The following DMD variants were observed in gnomAD, a reference collection of about 807,000 sequenced individuals.
DMD encodes the protein mutant dystrophin.
A neutral mutation model predicts 330.1 loss-of-function variants in DMD; 63 were observed. The observed-to-expected ratio is 0.19, with a 90% CI of 0.16 to 0.24. The LOEUF (loss-of-function observed/expected upper bound fraction) is 0.24. Ranked by LOEUF, DMD falls within the 10% of genes least tolerant of loss-of-function variation. The pLI is 1.00. For synonymous variants in DMD, 1,223 were observed against 959.8 expected, an observed-to-expected ratio of 1.27 and a Z score of -5.07; for missense variants, 3,344 against 2,684.1, an observed-to-expected ratio of 1.25 and a Z score of -5.43.
At chrX:32,823,028 C>A (rs553418223) in intron 5 of DMD, among the ~76,000 whole-genome samples, 1 of 111,500 alleles carries the variant, frequency 9.0e-6, no homozygotes, top group Non-Finnish European at 1.9e-5. Context: ...AAATTACTCA[C>A]CTATGATTGG....
intron 7 of DMD, among the ~76,000 whole-genome samples, chrX:32,751,703 G>A (rs747124869): frequency 9.8e-5 from 11 of 112,425 alleles, no homozygotes; most frequent in South Asian, 3.7e-4. Context: ...TCCAGGGCAC[G>A]TCAGAGACCT....
intron 13 of DMD, among the ~76,000 whole-genome samples, chrX:32,578,199 A>T (rs2053272851): frequency 1.0e-5 from 1 of 99,329 alleles, no homozygotes; most frequent in Non-Finnish European, 2.1e-5. Flanking sequence ...TTCTCTAGAG[A>T]AAAAAAAAAT....
intron 43 of DMD, among the ~76,000 whole-genome samples, chrX:32,251,371 T>C: frequency 9.0e-6 from 1 of 110,728 alleles, no homozygotes; most frequent in East Asian, 2.9e-4. Context: ...TTCAGATGTA[T>C]CTCAAATTGA....
intron 1 of DMD, among the ~76,000 whole-genome samples, chrX:33,246,501 G>A (rs2052664785): frequency 3.6e-5 from 4 of 111,355 alleles, no homozygotes; most frequent in African/African-American, 1.3e-4. Context: ...GGCCCTTACT[G>A]TTTACCCTAG....
intron 44 of DMD, among the ~76,000 whole-genome samples, chrX:32,186,788 A>T (rs2096949641): frequency 9.0e-6 from 1 of 111,281 alleles, no homozygotes; most frequent in Non-Finnish European, 1.9e-5. Context: ...AAATAAATAT[A>T]GCGATTGAAA....
intron 10 of DMD, 50 bp from the exon 11 acceptor site, chrX:32,644,363 G>C: frequency 1.7e-6 from 2 of 1,159,753 alleles, no homozygotes; most frequent in Non-Finnish European, 2.4e-6. Flanking sequence ...AGGTAAATCG[G>C]TGTGGTTTTG....
intron 2 of DMD, among the ~76,000 whole-genome samples, chrX:32,952,102 A>G (rs373267307): frequency 1.8e-5 from 2 of 109,530 alleles, no homozygotes; most frequent in East Asian, 2.9e-4. Flanking sequence ...CAAACCATGT[A>G]TGAATGCCAG....
chrX:32,178,036 A>AT (rs1178825009), intron 44 of DMD, among the ~76,000 whole-genome samples: 2 of 109,828 alleles, frequency 1.8e-5, no homozygotes, highest in Non-Finnish European at 3.8e-5. Flanking sequence ...ATCAGTCAAT[A>AT]TAAGAAATGC....
intron 44 of DMD, among the ~76,000 whole-genome samples, chrX:32,001,705 T>G (rs754861086): frequency 3.5e-4 from 39 of 111,714 alleles, no homozygotes; most frequent in African/African-American, 1.2e-3. Context: ...AATCCACTAT[T>G]TATTGAGTGC....
intron 12 of DMD, among the ~76,000 whole-genome samples, chrX:32,604,996 G>A (rs2056567003): frequency 9.1e-6 from 1 of 110,434 alleles, no homozygotes; most frequent in Non-Finnish European, 1.9e-5. Flanking sequence ...TTTACAGATT[G>A]AACACAGTCC....
intron 1 of DMD, among the ~76,000 whole-genome samples, chrX:33,337,151 C>A (rs2054267133): frequency 1.8e-5 from 2 of 111,654 alleles, no homozygotes; most frequent in South Asian, 7.4e-4. Flanking sequence ...GAAAAACCTT[C>A]TTTTAAAAGT....
chrX:32,429,387 G>GTTTTTTTTTTTTTTTTTTTTTTTT lies in DMD; in HGVS notation c.4071+8830_4071+8853dup, dbSNP rs10692022. 4.5e-4 allele frequency among the ~76,000 whole-genome samples: 20 copies of GTTTTTTTTTTTTTTTTTTTTTTTT among 44,202 alleles called. 3 individuals are homozygous for GTTTTTTTTTTTTTTTTTTTTTTTT. The highest frequency in any genetic ancestry group is 6.7e-4 in the Non-Finnish European group (19 of 28,288). The allele number at this position is 44,202 out of a possible 115,157, so 38.4% of individuals were successfully genotyped here. A position where few individuals can be genotyped will look rare whatever the true frequency, so the allele number is the denominator to read the frequency against. Reference sequence around the variant, plus strand: ...ACCAAGCCTGGATACTTTTTTTTGGGTTTTTTTTTTTTTTTTTTTTTTTTG... The same window carrying GTTTTTTTTTTTTTTTTTTTTTTTT: ...ACCAAGCCTGGATACTTTTTTTTGGGTTTTTTTTTTTTTTTTTTTTTTTTTTTTTTTTTTTTTTTTTTTTTTTTG... On this transcript the variant is annotated intron_variant, in intron 29 of 78. Coordinates refer to ENST00000357033, the MANE Select transcript of DMD (RefSeq NM_004006.3).
intron 47 of DMD, among the ~76,000 whole-genome samples, chrX:31,901,373 C>T (rs2094419873): frequency 8.9e-6 from 1 of 111,940 alleles, no homozygotes; most frequent in African/African-American, 3.2e-5. Context: ...AATCTTTCCT[C>T]TTCTCTTGAG....
intron 1 of DMD, among the ~76,000 whole-genome samples, chrX:33,099,760 A>G (rs888677662): frequency 3.6e-5 from 4 of 111,840 alleles, no homozygotes; most frequent in Non-Finnish European, 7.5e-5. Flanking sequence ...AAGGCAAAAC[A>G]GATTGTTTTT....
intron 41 of DMD, among the ~76,000 whole-genome samples, chrX:32,322,840 G>T (rs1269656828): frequency 3.6e-5 from 4 of 111,915 alleles, no homozygotes; most frequent in Non-Finnish European, 5.6e-5. Flanking sequence ...ACTAAAAAAA[G>T]AGGAGAGATA....
intron 44 of DMD, among the ~76,000 whole-genome samples, chrX:32,090,948 G>C (rs188907488): frequency 2.7e-5 from 3 of 111,689 alleles, no homozygotes; most frequent in Non-Finnish European, 5.6e-5. Flanking sequence ...CAAGAGAAAA[G>C]CATGCTCTGT....
chrX:32,673,421 T>C (rs1451505684), intron 9 of DMD, among the ~76,000 whole-genome samples: 1 of 111,709 alleles, frequency 9.0e-6, no homozygotes, highest in Non-Finnish European at 1.9e-5. Context: ...TAATGGTTAC[T>C]TGTTTTTGAA....
intron 44 of DMD, among the ~76,000 whole-genome samples, chrX:31,983,123 T>C (rs2095487826): frequency 9.1e-6 from 1 of 110,207 alleles, no homozygotes; most frequent in Non-Finnish European, 1.9e-5. Flanking sequence ...TACAGATTAC[T>C]ACTGAAATCA....
intron 1 of DMD, among the ~76,000 whole-genome samples, chrX:33,254,484 C>A (rs750911712): frequency 1.8e-5 from 2 of 110,284 alleles, no homozygotes; most frequent in African/African-American, 6.5e-5. Flanking sequence ...AAAAAATTTT[C>A]ACTTGCGACC....
Sources: allele counts gnomAD v4.1 joint callset (sites outside exome capture counted in the v4.1 genomes callset), GRCh38; gene constraint gnomAD v4.1.1; transcripts MANE v1.5; gene names NCBI Gene and HGNC (gene_info 2026-07-23, HGNC 2026-07-21).